Variants in LDLRAD3 observed in about 807,000 individuals in gnomAD.
LDLRAD3 encodes low-density lipoprotein receptor class A domain-containing protein 3.
A neutral mutation model predicts 29.4 loss-of-function variants in LDLRAD3; 20 were observed. That is an observed-to-expected ratio of 0.68 (90% confidence interval 0.48 to 0.99). The LOEUF (loss-of-function observed/expected upper bound fraction) is 0.99. Ranked by LOEUF, LDLRAD3 falls within the 50% of genes least tolerant of loss-of-function variation. LDLRAD3 has a pLI of 0.00. For missense variants in LDLRAD3, 420 were observed against 454.3 expected (o/e 0.92, Z 0.69); for synonymous variants, 157 against 192.7 (o/e 0.81, Z 1.53).
At chr11:36,202,149 A>G (rs910060679) in intron 4 of LDLRAD3, among the ~76,000 whole-genome samples, 7 of 151,672 alleles carry the variant, frequency 4.6e-5, no homozygotes, top group Non-Finnish European at 7.4e-5. Flanking sequence ...GGTTCAAGCA[A>G]TTCTGCCTCA....
At chr11:36,085,591 A>G (rs1853184277) in intron 3 of LDLRAD3, among the ~76,000 whole-genome samples, 1 of 151,974 alleles carries the variant, frequency 6.6e-6, no homozygotes, top group Non-Finnish European at 1.5e-5. Flanking sequence ...CAAGTCCCTG[A>G]GGCTCTGTGA....
intron 2 of LDLRAD3, among the ~76,000 whole-genome samples, chr11:36,072,761 C>T (rs1852928235): frequency 6.6e-6 from 1 of 152,192 alleles, no homozygotes; most frequent in Non-Finnish European, 1.5e-5. Flanking sequence ...ACTGAGTGCA[C>T]CTATGTGGAC....
intron 2 of LDLRAD3, among the ~76,000 whole-genome samples, chr11:36,080,495 C>T (rs534724899): frequency 1.5e-4 from 23 of 152,280 alleles, no homozygotes. Flanking sequence ...GAAATCAGGG[C>T]TTCTGGAATC....
intron 2 of LDLRAD3, among the ~76,000 whole-genome samples, chr11:36,068,185 A>G (rs1189513440): frequency 6.6e-6 from 1 of 152,152 alleles, no homozygotes; most frequent in East Asian, 1.9e-4. Context: ...TGTTGGTGGA[A>G]TGAATAACTG....
rs539552700 is a variant in LDLRAD3 at position 36,200,886 on chromosome 11, G to A, written c.455-26199G>A. 2.6e-5 allele frequency among the ~76,000 whole-genome samples: 4 copies of A among 152,308 alleles called. No homozygotes were observed. The South Asian group carries it at 8.3e-4, about 32-fold the overall frequency. On this transcript the variant is annotated intron_variant, in intron 4 of 5. Transcript: ENST00000315571. The stretch of plus-strand genomic sequence containing the variant: ...TTGCTTATGCTGAAAGCTCAGTGCA[G>A]GACATGGTAGACACATGATCAATGT...
intron 4 of LDLRAD3, among the ~76,000 whole-genome samples, chr11:36,217,224 T>C (rs1203172864): frequency 6.6e-6 from 1 of 152,208 alleles, no homozygotes; most frequent in African/African-American, 2.4e-5. Flanking sequence ...AAATTGTGAA[T>C]TACCATGTTG....
intron 1 of LDLRAD3, among the ~76,000 whole-genome samples, chr11:35,988,693 C>T (rs1435179954): frequency 1.3e-5 from 2 of 152,098 alleles, no homozygotes; most frequent in Admixed American, 6.5e-5. Context: ...AAGCGATTCT[C>T]CTGCCCCAGC....
At chr11:36,117,395 G>A (rs988908735) in intron 4 of LDLRAD3, among the ~76,000 whole-genome samples, 2 of 151,978 alleles carry the variant, frequency 1.3e-5, no homozygotes, top group Admixed American at 1.3e-4. Flanking sequence ...ATTTAAAACT[G>A]GGATATGAAC....
chr11:36,037,222 C>A (rs921927586), intron 2 of LDLRAD3, among the ~76,000 whole-genome samples: 2 of 152,188 alleles, frequency 1.3e-5, no homozygotes, highest in Non-Finnish European at 2.9e-5. Context: ...GGCCACGTGG[C>A]CTGTCTGACA....
At chr11:36,120,090 C>G (rs951909910) in intron 4 of LDLRAD3, among the ~76,000 whole-genome samples, 3 of 152,064 alleles carry the variant, frequency 2.0e-5, no homozygotes, top group African/African-American at 4.8e-5. Context: ...TATTTTTTCC[C>G]TCACTGAATT....
At chr11:36,180,124 A>AG (rs1565283408) in intron 4 of LDLRAD3, among the ~76,000 whole-genome samples, 4 of 152,162 alleles carry the variant, frequency 2.6e-5, no homozygotes, top group South Asian at 2.1e-4. Flanking sequence ...TCCTGGTTCC[A>AG]GGGGGTTCCT....
rs1590337315 is a variant in LDLRAD3 at position 36,182,459 on chromosome 11, CT to C, written c.455-44624del. ...TAGAAGTACAGTACCTTTGAGTGAC[CT>C]TCAGAATTCGGTCCTCTTGGCTCAA... On this transcript the variant is annotated intron_variant, in intron 4 of 5. Coordinates refer to ENST00000315571, the MANE Select transcript of LDLRAD3 (RefSeq NM_174902.4). 2.6e-5 allele frequency among the ~76,000 whole-genome samples: 4 copies of C among 152,140 alleles called. 1 individual carries two copies. The East Asian group carries it at 7.7e-4, about 29-fold the overall frequency.
At chr11:35,978,962 A>G (rs1347091984) in intron 1 of LDLRAD3, among the ~76,000 whole-genome samples, 1 of 152,202 alleles carries the variant, frequency 6.6e-6, no homozygotes, top group Non-Finnish European at 1.5e-5. Context: ...TGAATACCAG[A>G]ATCTCAGATT....
chr11:36,200,661 T>C (rs4756296), intron 4 of LDLRAD3, among the ~76,000 whole-genome samples: 133,039 of 152,220 alleles, frequency 0.87, 58,268 homozygotes, highest in East Asian at 0.97. Context: ...ACCAAATGCC[T>C]GCTCTGCCAC....
chr11:36,099,636 A>T (rs1189991637), intron 4 of LDLRAD3, among the ~76,000 whole-genome samples: 3 of 152,238 alleles, frequency 2.0e-5, no homozygotes, highest in Non-Finnish European at 4.4e-5. Context: ...TAGATGATGG[A>T]TAAGTTCCAT....
chr11:36,064,982 ATG>A (rs1473677034), intron 2 of LDLRAD3, among the ~76,000 whole-genome samples: 1 of 152,176 alleles, frequency 6.6e-6, no homozygotes, highest in Non-Finnish European at 1.5e-5. Flanking sequence ...CTTGGGAAGA[ATG>A]TGTTCTGTGG....
intron 1 of LDLRAD3, among the ~76,000 whole-genome samples, chr11:36,009,938 C>T: frequency 6.6e-6 from 1 of 152,146 alleles, no homozygotes; most frequent in Non-Finnish European, 1.5e-5. Flanking sequence ...TTGCTTTTAT[C>T]TTGCTTGTTG....
At chr11:35,994,328 C>A (rs1452802104) in intron 1 of LDLRAD3, among the ~76,000 whole-genome samples, 1 of 91,458 alleles carries the variant, frequency 1.1e-5, no homozygotes, top group South Asian at 4.2e-4. Flanking sequence ...CAGAGAGAGA[C>A]TTTGTCTCAA....
At chr11:36,044,440 C>A (rs569415734) in intron 2 of LDLRAD3, among the ~76,000 whole-genome samples, 1 of 152,192 alleles carries the variant, frequency 6.6e-6, no homozygotes, top group Non-Finnish European at 1.5e-5. Flanking sequence ...CCTATTCCCT[C>A]AAACACATGT....
Sources: allele counts gnomAD v4.1 joint callset (sites outside exome capture counted in the v4.1 genomes callset), GRCh38; gene constraint gnomAD v4.1.1; transcripts MANE v1.5; gene names NCBI Gene and HGNC (gene_info 2026-07-23, HGNC 2026-07-21).